The following PDZRN4 variants were observed in gnomAD, a reference collection of about 807,000 sequenced individuals.
PDZRN4 encodes the protein PDZ domain containing ring finger 4.
Under a neutral mutation model 99.0 loss-of-function variants are expected in PDZRN4, and 70 were observed. The ratio of observed to expected loss-of-function variants is 0.71; its 90% CI spans 0.58 to 0.86. The LOEUF is 0.86. Among genes scored for constraint, PDZRN4 ranks in the 40% least tolerant of loss-of-function variants. PDZRN4 has a pLI of 0.00. For missense variants in PDZRN4, 1,474 were observed against 1,331.2 expected, an observed-to-expected ratio of 1.11 and a Z score of -1.67; for synonymous variants, 551 against 501.6, an observed-to-expected ratio of 1.10 and a Z score of -1.32.
intron 5 of PDZRN4, among the ~76,000 whole-genome samples, chr12:41,524,626 C>G (rs964951533): frequency 6.6e-6 from 1 of 151,980 alleles, no homozygotes; most frequent in Non-Finnish European, 1.5e-5. Context: ...GAATTACAGG[C>G]CCGATAATTC....
intron 3 of PDZRN4, among the ~76,000 whole-genome samples, chr12:41,357,324 C>T (rs1951934800): frequency 6.6e-6 from 1 of 151,928 alleles, no homozygotes; most frequent in Non-Finnish European, 1.5e-5. Flanking sequence ...ATCCCAACAA[C>T]CCAACAAGCC....
intron 3 of PDZRN4, among the ~76,000 whole-genome samples, chr12:41,260,025 A>C (rs541023073): frequency 2.0e-5 from 3 of 152,228 alleles, no homozygotes; most frequent in Non-Finnish European, 4.4e-5. Flanking sequence ...ATTTGTTTGG[A>C]GTATCTGGAA....
intron 3 of PDZRN4, among the ~76,000 whole-genome samples, chr12:41,465,516 G>T (rs1008011375): frequency 1.3e-5 from 2 of 152,170 alleles, no homozygotes; most frequent in Non-Finnish European, 1.5e-5. Context: ...TAAATGGAAA[G>T]ATTATGTATT....
intron 3 of PDZRN4, 151 bp from the exon 4 acceptor site, chr12:41,506,305 A>C (rs1487977339): frequency 1.7e-6 from 1 of 597,186 alleles, no homozygotes; most frequent in East Asian, 2.9e-5. Context: ...GTTGGTAAAG[A>C]CTTCAGTAAA....
intron 3 of PDZRN4, among the ~76,000 whole-genome samples, chr12:41,433,819 G>A (rs1358535930): frequency 6.6e-6 from 1 of 152,202 alleles, no homozygotes; most frequent in Non-Finnish European, 1.5e-5. Context: ...AGCCAGGGAT[G>A]AGACATAGGC....
At chr12:41,189,566 G>A (rs1240867323) in intron 1 of PDZRN4, among the ~76,000 whole-genome samples, 1 of 152,162 alleles carries the variant, frequency 6.6e-6, no homozygotes, top group East Asian at 1.9e-4. Flanking sequence ...AGCCGCGCAC[G>A]CACACCTGGG....
chr12:41,528,679 T>A (rs1373899037), intron 5 of PDZRN4, among the ~76,000 whole-genome samples: 2 of 152,234 alleles, frequency 1.3e-5, no homozygotes, highest in Non-Finnish European at 1.5e-5. Flanking sequence ...TGAGAAAACA[T>A]ATTTTTGAAG....
rs560185223 is a variant in PDZRN4, at chr12:41,264,139, G to T, written c.843+69951G>T. Among the ~76,000 whole-genome samples the T allele has an allele frequency of 9.3e-4, 141 of 152,184 alleles. 1 individual carries two copies. Among genetic ancestry groups the T allele is most frequent in the Admixed American group, 1.4e-3 (22 of 15,282 alleles). On this transcript the variant is annotated intron_variant, in intron 3 of 9. Transcript: ENST00000402685. ...TTTAGCTGCCATATAATTACTTAAG[G>T]CTGTAGGTACAATGAATACATTGTT...
At chr12:41,351,031 C>T (rs762171496) in intron 3 of PDZRN4, among the ~76,000 whole-genome samples, 1 of 152,264 alleles carries the variant, frequency 6.6e-6, no homozygotes, top group South Asian at 2.1e-4. Flanking sequence ...AAGTGGAATA[C>T]ATGCATTTCT....
Position 41,493,477 on chromosome 12 carries a change from A to G in PDZRN4, c.844-12979A>G, listed in dbSNP as rs533480768. Among the ~76,000 whole-genome samples, 21 of 152,250 alleles carry G rather than the reference A, an allele frequency of 1.4e-4. No homozygotes were observed. In the South Asian group the frequency reaches 4.1e-3, roughly 30 times the overall value. On this transcript the variant is annotated intron_variant, in intron 3 of 9. Coordinates refer to ENST00000402685, the MANE Select transcript of PDZRN4 (RefSeq NM_001164595.2). ...TTGAATTTAAGGATGTGATGACTCT[A>G]TTTGGTGGAGATGCATCCACTTTTT...
chr12:41,357,052 A>G (rs1653358682), intron 3 of PDZRN4, among the ~76,000 whole-genome samples: 1 of 151,914 alleles, frequency 6.6e-6, no homozygotes, highest in South Asian at 2.1e-4. Flanking sequence ...TAATTTTTTT[A>G]TGCAGATGAA....
At chr12:41,255,208 T>C (rs1001954877) in intron 3 of PDZRN4, among the ~76,000 whole-genome samples, 5 of 151,682 alleles carry the variant, frequency 3.3e-5, no homozygotes, top group Non-Finnish European at 5.9e-5. Flanking sequence ...GAGTGCACAG[T>C]GGGGAAGTGG....
chr12:41,243,695 T>A (rs1361388262), intron 3 of PDZRN4, among the ~76,000 whole-genome samples: 7 of 152,202 alleles, frequency 4.6e-5, no homozygotes, highest in Non-Finnish European at 1.0e-4. Flanking sequence ...ATGGTTTTTC[T>A]TACTATGTGT....
chr12:41,224,436 T>A (rs1210878892), intron 3 of PDZRN4, among the ~76,000 whole-genome samples: 1 of 152,186 alleles, frequency 6.6e-6, no homozygotes, highest in East Asian at 1.9e-4. Flanking sequence ...CTGCCAAAAT[T>A]AATAGCTGGG....
intron 3 of PDZRN4, among the ~76,000 whole-genome samples, chr12:41,367,914 G>A (rs932377053): frequency 6.6e-6 from 1 of 152,108 alleles, no homozygotes; most frequent in Non-Finnish European, 1.5e-5. Flanking sequence ...CATTGGCACT[G>A]AGTTTAACAA....
chr12:41,564,365 A>G (rs2120837707), intron 8 of PDZRN4, among the ~76,000 whole-genome samples: 1 of 152,272 alleles, frequency 6.6e-6, no homozygotes, highest in South Asian at 2.1e-4. Context: ...GAAAAAAAGT[A>G]CTATTGGGGC....
intron 3 of PDZRN4, among the ~76,000 whole-genome samples, chr12:41,390,316 T>G (rs1223678924): frequency 6.6e-6 from 1 of 152,108 alleles, no homozygotes; most frequent in Non-Finnish European, 1.5e-5. Context: ...GTTTCTTCAT[T>G]AAATGCAGCC....
chr12:41,307,925 AAAC>A (rs1437820376), intron 3 of PDZRN4, among the ~76,000 whole-genome samples: 1 of 152,174 alleles, frequency 6.6e-6, no homozygotes, highest in Non-Finnish European at 1.5e-5. Context: ...TGGAACAAAA[AAAC>A]AACAACTTTA....
chr12:41,188,810 G>A lies in PDZRN4; in HGVS notation c.355G>A (p.Ala119Thr). ...CCGGCTCCGCAGCCGCGGGGGCTGCGCTTCGGGGCTGGGCGGTGGTGAGGT... is the reference window on the plus strand; with the variant it reads ...CCGGCTCCGCAGCCGCGGGGGCTGCACTTCGGGGCTGGGCGGTGGTGAGGT... Reference protein sequence around the residue: ...ARRLRSRGGCASGLGGGEVPA... With the variant: ...ARRLRSRGGCTSGLGGGEVPA... The change falls in exon 1 of 10, where the codon GCT becomes ACT. Residue 119 changes from alanine (A) to threonine (T), a missense_variant. By Grantham distance (58) the Ala-to-Thr change is moderately conservative. Transcript: ENST00000402685. 2 of 1,343,942 alleles carry A rather than the reference G, an allele frequency of 1.5e-6. No homozygotes were observed. The highest frequency in any genetic ancestry group is 1.9e-6 in the Non-Finnish European group (2 of 1,054,214). The allele number at this position is 1,343,942 out of a possible 1,614,324, so 83.3% of individuals were successfully genotyped here.
Sources: gnomAD v4.1 joint callset for allele counts (sites outside exome capture counted in the v4.1 genomes callset) on GRCh38, gnomAD v4.1.1 for gene constraint, MANE v1.5 for transcripts, NCBI Gene and HGNC (gene_info 2026-07-23, HGNC 2026-07-21) for gene names.